Variants in KIFAP3 observed in about 807,000 individuals in gnomAD.
KIFAP3 encodes kinesin-associated protein 3.
Under a neutral mutation model 106.5 loss-of-function variants are expected in KIFAP3, and 68 were observed. That is an observed-to-expected ratio of 0.64 (90% confidence interval 0.53 to 0.78). The LOEUF (loss-of-function observed/expected upper bound fraction) is 0.78. Ranked by LOEUF, KIFAP3 falls within the 30% of genes least tolerant of loss-of-function variation. The pLI is 0.00. For synonymous variants in KIFAP3, 320 were observed against 311.5 expected, an observed-to-expected ratio of 1.03 and a Z score of -0.29; for missense variants, 780 against 941.8, an observed-to-expected ratio of 0.83 and a Z score of 2.25.
At chr1:170,046,601 A>T (rs61825351) in intron 3 of KIFAP3, 111 bp downstream of exon 3, 2 of 851,462 alleles carry the variant, frequency 2.3e-6, no homozygotes, top group Middle Eastern at 3.1e-4. Flanking sequence ...AAAAAAACCT[A>T]CCCAACATCA....
intron 10 of KIFAP3, among the ~76,000 whole-genome samples, chr1:170,011,085 T>C (rs1378007421): frequency 3.3e-5 from 5 of 151,960 alleles, no homozygotes; most frequent in Non-Finnish European, 7.4e-5. Flanking sequence ...GTGAAGAAAA[T>C]GTACCCCAAA....
At chr1:169,946,102 T>C (rs1430057790) in intron 19 of KIFAP3, among the ~76,000 whole-genome samples, 2 of 152,230 alleles carry the variant, frequency 1.3e-5, no homozygotes, top group Admixed American at 6.5e-5. Context: ...AAATGAATTT[T>C]GCATTTTAAA....
intron 10 of KIFAP3, among the ~76,000 whole-genome samples, chr1:169,998,726 T>G (rs896888688): frequency 6.6e-6 from 1 of 152,210 alleles, no homozygotes; most frequent in Non-Finnish European, 1.5e-5. Flanking sequence ...TCTTGATGAT[T>G]CTAGTTCTAT....
rs745711341 is a variant in KIFAP3 at position 169,978,084 on chromosome 1, C to T, written c.1897+1G>A. On this transcript the variant is annotated splice_donor_variant, in intron 16 of 19. Transcript: ENST00000361580. LOFTEE classifies it high-confidence loss of function. ...ATCTACGGTAAACACTGAAAGGATA[C>T]GTGTTTCCTTGATTATGACGTCTCT... The T allele has an allele frequency of 3.2e-6, 5 of 1,567,204 alleles. No individual in the cohort carries two copies. Among genetic ancestry groups the T allele is most frequent in the South Asian group, 1.1e-5 (1 of 89,842 alleles).
intron 3 of KIFAP3, chr1:170,041,756 C>A: frequency 6.5e-7 from 1 of 1,533,858 alleles, no homozygotes; most frequent in Non-Finnish European, 8.7e-7. Context: ...CAAGGGCAAT[C>A]GACATCCCTT....
At chr1:170,054,609 T>A (rs1011464134) in intron 2 of KIFAP3, among the ~76,000 whole-genome samples, 2 of 152,012 alleles carry the variant, frequency 1.3e-5, no homozygotes, top group Non-Finnish European at 2.9e-5. Flanking sequence ...CACATATACA[T>A]CACGGAATAA....
At chr1:169,951,447 A>G (rs1289814853) in intron 19 of KIFAP3, among the ~76,000 whole-genome samples, 1 of 151,930 alleles carries the variant, frequency 6.6e-6, no homozygotes, top group Non-Finnish European at 1.5e-5. Context: ...TTTGTGAAGT[A>G]AAAGAAGCTA....
chr1:170,077,212 G>GGAT (rs1386444798), upstream of KIFAP3, among the ~76,000 whole-genome samples: 1 of 152,234 alleles, frequency 6.6e-6, no homozygotes, highest in African/African-American at 2.4e-5. Flanking sequence ...CCAATCAGCA[G>GGAT]GATGTGGGCG....
At chr1:170,072,365 G>C (rs1015307540) in intron 1 of KIFAP3, among the ~76,000 whole-genome samples, 3 of 152,192 alleles carry the variant, frequency 2.0e-5, no homozygotes, top group African/African-American at 4.8e-5. Context: ...ATATAAAGTA[G>C]TAAGTTTAGG....
intron 1 of KIFAP3, among the ~76,000 whole-genome samples, chr1:170,071,483 G>A (rs1045133240): frequency 8.5e-5 from 13 of 152,116 alleles, no homozygotes; most frequent in Non-Finnish European, 1.8e-4. Flanking sequence ...TTACAGTTCC[G>A]CAGGCTGGGA....
In KIFAP3 at chr1:170,038,361, T is replaced by C. The variant is rs1669791660; in HGVS notation, c.446A>G (p.Lys149Arg). 1.9e-6 allele frequency: 3 copies of C among 1,608,670 alleles called. No homozygotes were observed. The South Asian group carries it at 3.3e-5, about 18-fold the overall frequency. Residue 149 changes from lysine to arginine, a missense_variant, in exon 5 of 20, where the codon AAA becomes AGA. Coordinates refer to ENST00000361580, the MANE Select transcript of KIFAP3 (RefSeq NM_014970.4). ...IELLYEDIPD[K>R]VRGSALILQL... ...CAGGATCAAAGCAGAACCCCGAACT[T>C]TGTCAGGAATATCTTCATATAATAA...
chr1:170,049,812 C>CG (rs1192109291), intron 2 of KIFAP3, among the ~76,000 whole-genome samples: 3 of 150,466 alleles, frequency 2.0e-5, no homozygotes, highest in Non-Finnish European at 4.5e-5. Context: ...AAAACACCAC[C>CG]CCCCCCCAAA....
At chr1:170,023,223 G>C (rs911379689) in intron 9 of KIFAP3, among the ~76,000 whole-genome samples, 1 of 151,880 alleles carries the variant, frequency 6.6e-6, no homozygotes, top group Non-Finnish European at 1.5e-5. Context: ...TAAATATATA[G>C]GGGAAAAATA....
intron 11 of KIFAP3, among the ~76,000 whole-genome samples, chr1:169,986,769 T>G (rs1339422788): frequency 6.6e-6 from 1 of 151,994 alleles, no homozygotes; most frequent in Non-Finnish European, 1.5e-5. Context: ...AAGCAATGTT[T>G]CAAGCAAAGT....
chr1:169,956,610 CTT>C (rs1163823729), intron 18 of KIFAP3, among the ~76,000 whole-genome samples: 83 of 117,424 alleles, frequency 7.1e-4, no homozygotes, highest in East Asian at 2.0e-3. Context: ...CACTGAAGTT[CTT>C]TTTTTTTTTT....
intron 10 of KIFAP3, among the ~76,000 whole-genome samples, chr1:170,000,667 T>C (rs775123398): frequency 2.6e-5 from 4 of 152,162 alleles, no homozygotes; most frequent in Non-Finnish European, 5.9e-5. Context: ...GAGCATATAC[T>C]GCAGATATAT....
rs759445557 is a variant in KIFAP3, at chr1:170,024,607, A to G, written c.842-11T>C. The G allele has an allele frequency of 2.0e-6, 3 of 1,497,128 alleles. No homozygotes were observed. The highest frequency in any genetic ancestry group is 2.6e-5 in the South Asian group (2 of 75,632). 92.7% of individuals were successfully genotyped at this position (1,497,128 alleles called of 1,614,324 possible). A position where few individuals can be genotyped will look rare whatever the true frequency, so the allele number is the denominator to read the frequency against. On this transcript the variant is annotated splice_polypyrimidine_tract_variant and intron_variant, in intron 8 of 19. Transcript: ENST00000361580. ...GCAAATAAAGAGCAACTAGAAAAGT[A>G]AAATATATGAGAGATAAAGAATTAG...
intron 3 of KIFAP3, chr1:170,041,889 A>C: frequency 7.3e-7 from 1 of 1,363,208 alleles, no homozygotes. Flanking sequence ...TGGAAGGAGA[A>C]TAAAGGGCAA....
intron 19 of KIFAP3, among the ~76,000 whole-genome samples, chr1:169,925,558 G>A (rs1394749639): frequency 6.6e-6 from 1 of 151,708 alleles, no homozygotes; most frequent in Non-Finnish European, 1.5e-5. Context: ...CTGAATTTTT[G>A]CTAATATTTG....
Sources: gnomAD v4.1 joint callset for allele counts (sites outside exome capture counted in the v4.1 genomes callset) on GRCh38, gnomAD v4.1.1 for gene constraint, MANE v1.5 for transcripts, NCBI Gene and HGNC (gene_info 2026-07-23, HGNC 2026-07-21) for gene names.